Variants in CCR5AS observed in about 807,000 individuals in gnomAD.
CCR5AS encodes the protein CCR5 antisense RNA.
chr3:46,367,602 T>G (rs1368200958), intron 3 of CCR5AS, among the ~76,000 whole-genome samples: 2 of 152,194 alleles, frequency 1.3e-5, no homozygotes, highest in Admixed American at 6.5e-5. Context: ...GAGACACAGC[T>G]TGCTGTCACC....
intron 2 of CCR5AS, chr3:46,375,839 C>G (rs1701749315): frequency 6.0e-6 from 1 of 166,774 alleles, no homozygotes. Flanking sequence ...TGATTGTGCA[C>G]ATACTTGAGA....
chr3:46,381,261 G>T (rs1037979347), intron 2 of CCR5AS, among the ~76,000 whole-genome samples: 1 of 152,136 alleles, frequency 6.6e-6, no homozygotes, highest in Non-Finnish European at 1.5e-5. Flanking sequence ...TTGCTTATGT[G>T]GCTAAAGGAT....
At chr3:46,364,721 A>C (rs549370808) in exon 4 of CCR5AS, among the ~76,000 whole-genome samples, 11 of 152,316 alleles carry the variant, frequency 7.2e-5, no homozygotes, top group African/African-American at 2.4e-4. Context: ...CAAATTGAAA[A>C]GCTTCTGGAA....
chr3:46,372,765 T>A, intron 2 of CCR5AS: 1 of 641,110 alleles, frequency 1.6e-6, no homozygotes. Context: ...AAAAAGAGAG[T>A]TAATTCAATG....
rs55956105 is a variant in CCR5AS at position 46,373,762 on chromosome 3, T to A, written n.392-2345A>T. On this transcript the variant is annotated intron_variant and non_coding_transcript_variant, in intron 2 of 3. Coordinates refer to ENST00000451485, the Ensembl canonical transcript of CCR5AS. ...ATGCAGGTGACAGAGACTCTTGGGA[T>A]GACGCACTGCTGCATCAACCCCATC... 2.5e-6 allele frequency: 4 copies of A among 1,613,584 alleles called. No homozygotes were observed. The African/African-American group carries it at 5.3e-5, about 22-fold the overall frequency.
At chr3:46,399,028 G>A (rs551766072) in intron 1 of CCR5AS, among the ~76,000 whole-genome samples, 18 of 152,222 alleles carry the variant, frequency 1.2e-4, no homozygotes, top group African/African-American at 4.3e-4. Flanking sequence ...TTAGAGGAGG[G>A]AAGAGTCTGC....
intron 2 of CCR5AS, chr3:46,374,746 G>T: frequency 6.0e-6 from 1 of 167,352 alleles, no homozygotes. Flanking sequence ...GCTGAGCAGG[G>T]AGATCCTGGT....
At chr3:46,376,536 G>A (rs1192265562) in intron 2 of CCR5AS, among the ~76,000 whole-genome samples, 1 of 152,150 alleles carries the variant, frequency 6.6e-6, no homozygotes, top group Admixed American at 6.5e-5. Flanking sequence ...TTTTAAAAAA[G>A]AGAATTGGTG....
chr3:46,377,941 G>A (rs537947789), intron 2 of CCR5AS, among the ~76,000 whole-genome samples: 8 of 152,084 alleles, frequency 5.3e-5, no homozygotes, highest in South Asian at 2.1e-4. Context: ...TCCTGACCTC[G>A]TGATCTGCCC....
chr3:46,398,795 C>G (rs749065213), intron 1 of CCR5AS, among the ~76,000 whole-genome samples: 1 of 152,100 alleles, frequency 6.6e-6, no homozygotes, highest in Admixed American at 6.5e-5. Context: ...TATTCACCCC[C>G]CAAGGCCACT....
At chr3:46,379,897 AAAATAAATAAATAAATAAATAAAT>A (rs60485134) in intron 2 of CCR5AS, among the ~76,000 whole-genome samples, 3 of 146,398 alleles carry the variant, frequency 2.0e-5, no homozygotes, top group Non-Finnish European at 4.5e-5. Context: ...ACTCTGTCTC[AAAATAAATAAATAAATAAATAAAT>A]AAATAAATAA....
At chr3:46,367,121 C>T (rs917743417) in intron 3 of CCR5AS, among the ~76,000 whole-genome samples, 3 of 152,092 alleles carry the variant, frequency 2.0e-5, no homozygotes, top group Admixed American at 2.0e-4. Flanking sequence ...TAAAGACAGG[C>T]TTATTTAATC....
intron 2 of CCR5AS, chr3:46,373,947 T>C: frequency 6.4e-7 from 1 of 1,563,740 alleles, no homozygotes; most frequent in Non-Finnish European, 8.7e-7. Flanking sequence ...GCAGGAAATA[T>C]CTGTGGGCTT....
chr3:46,372,706 G>A (rs1013088785), intron 2 of CCR5AS: 12 of 480,896 alleles, frequency 2.5e-5, no homozygotes, highest in African/African-American at 3.9e-5. Flanking sequence ...AGTGGACAGG[G>A]AAGCTAGCAG....
chr3:46,393,466 AAAAAGAAAAG>A (rs1256332630), intron 1 of CCR5AS, among the ~76,000 whole-genome samples: 1 of 147,908 alleles, frequency 6.8e-6, no homozygotes, highest in Non-Finnish European at 1.5e-5. Context: ...GCCACAAAAA[AAAAAGAAAAG>A]AAAAGAAAAG....
intron 2 of CCR5AS, among the ~76,000 whole-genome samples, chr3:46,384,239 T>C (rs972651398): frequency 2.0e-5 from 3 of 152,246 alleles, no homozygotes; most frequent in Non-Finnish European, 2.9e-5. Context: ...GATGTTTACA[T>C]AGCATACAAA....
intron 2 of CCR5AS, among the ~76,000 whole-genome samples, chr3:46,379,805 G>A (rs1701800725): frequency 6.6e-6 from 1 of 152,112 alleles, no homozygotes; most frequent in African/African-American, 2.4e-5. Flanking sequence ...GCTGAGGCAG[G>A]AGAATCGCTT....
At chr3:46,367,989 TATGGCAGG>T (rs1333947970) in intron 3 of CCR5AS, among the ~76,000 whole-genome samples, 2 of 152,228 alleles carry the variant, frequency 1.3e-5, no homozygotes, top group Admixed American at 1.3e-4. Context: ...ACAGCTGCTG[TATGGCAGG>T]GTTTCTGCTC....
chr3:46,386,150 A>T (rs1335779045), intron 2 of CCR5AS, among the ~76,000 whole-genome samples: 1 of 152,062 alleles, frequency 6.6e-6, no homozygotes, highest in Non-Finnish European at 1.5e-5. Flanking sequence ...TCCTGGACTC[A>T]GGTGATCAGC....
Sources: allele counts gnomAD v4.1 joint callset (sites outside exome capture counted in the v4.1 genomes callset), GRCh38; gene constraint gnomAD v4.1.1; transcripts MANE v1.5; gene names NCBI Gene and HGNC (gene_info 2026-07-23, HGNC 2026-07-21).